Variants in ANKRD10 observed in about 807,000 individuals in gnomAD.
ANKRD10 encodes ankyrin repeat domain-containing protein 10.
In ANKRD10, 14 loss-of-function variants were observed where a neutral mutation model predicts 27.0. That is an observed-to-expected ratio of 0.52 (90% CI 0.34 to 0.81). The LOEUF is 0.81. ANKRD10 is among the 40% of genes least tolerant of loss of function. The pLI is 0.01. For missense variants in ANKRD10, 493 were observed against 544.0 expected, an observed-to-expected ratio of 0.91 and a Z score of 0.93; for synonymous variants, 250 against 224.5, an observed-to-expected ratio of 1.11 and a Z score of -1.01.
In ANKRD10 at chr13:110,879,644, C is replaced by T; in HGVS notation, c.1256G>A (p.Gly419Asp). The T allele has an allele frequency of 6.2e-7, 1 of 1,609,814 alleles. No homozygotes were observed. Among genetic ancestry groups the T allele is most frequent in the Non-Finnish European group, 8.5e-7 (1 of 1,177,378 alleles). Residue 419 changes from glycine to aspartate, a missense_variant, in exon 6 of 6, where the codon GGC becomes GAC. Coordinates refer to ENST00000267339, the MANE Select transcript of ANKRD10 (RefSeq NM_017664.4). ...AGAGCCAGGTCAGCGTCTCTAGGAG[C>T]CGTGGTGCAGGTGCATGGTGCCCAG... The part of the protein sequence containing the change: ...AVLGTMHLHH[G>D]S
intron 4 of ANKRD10, among the ~76,000 whole-genome samples, chr13:110,892,234 C>T (rs1377909461): frequency 2.7e-5 from 4 of 149,522 alleles, no homozygotes; most frequent in African/African-American, 9.8e-5. Flanking sequence ...GAGTTCAAGA[C>T]CAGCCTGGCC....
chr13:110,904,861 T>G (rs964753801), intron 3 of ANKRD10, among the ~76,000 whole-genome samples: 16 of 152,220 alleles, frequency 1.1e-4, no homozygotes, highest in Non-Finnish European at 1.0e-4. Flanking sequence ...TAATGGCGAA[T>G]CTTGCCAATA....
At chr13:110,887,725 G>C (rs1195172934) in intron 4 of ANKRD10, among the ~76,000 whole-genome samples, 2 of 152,194 alleles carry the variant, frequency 1.3e-5, no homozygotes, top group African/African-American at 4.8e-5. Flanking sequence ...TTGAGATCCT[G>C]ACCTAGATTA....
intron 4 of ANKRD10, among the ~76,000 whole-genome samples, chr13:110,892,123 A>C (rs2065090435): frequency 6.7e-6 from 1 of 149,598 alleles, no homozygotes; most frequent in African/African-American, 2.4e-5. Flanking sequence ...CCTACCTTAA[A>C]AACAAAAAAC....
chr13:110,904,887 A>T (rs991497455), intron 3 of ANKRD10: 2 of 152,218 alleles, frequency 1.3e-5, no homozygotes, highest in African/African-American at 4.8e-5. Flanking sequence ...AACAAAACAG[A>T]AGCTAAGCTA....
At chr13:110,909,639 A>G (rs925772698) in intron 2 of ANKRD10, among the ~76,000 whole-genome samples, 1 of 152,192 alleles carries the variant, frequency 6.6e-6, no homozygotes, top group Non-Finnish European at 1.5e-5. Flanking sequence ...ACTGCCTTAT[A>G]ACTTACCCCA....
intron 3 of ANKRD10, chr13:110,905,142 A>G (rs1436397304): frequency 6.6e-6 from 1 of 152,218 alleles, no homozygotes; most frequent in Admixed American, 6.5e-5. Context: ...AAAACAAAAA[A>G]GCTGATATTG....
chr13:110,890,644 C>T (rs2065050210), intron 4 of ANKRD10, among the ~76,000 whole-genome samples: 1 of 152,168 alleles, frequency 6.6e-6, no homozygotes, highest in South Asian at 2.1e-4. Context: ...ATCACAGAAA[C>T]ATCAGTCATG....
At position 110,880,118 on chromosome 13, in the gene ANKRD10, T is replaced by G. The variant is rs1347999220; in HGVS notation, c.788-6A>C. 1 of 1,607,634 alleles carries G rather than the reference T, an allele frequency of 6.2e-7. No individual in the cohort carries two copies. Among genetic ancestry groups the G allele is most frequent in the Non-Finnish European group, 8.5e-7 (1 of 1,175,520 alleles). ...GGAGCTACTGTTTTTCATATCTGCA[T>G]TAAGAAATACACCTGTCACCAAAAT... On this transcript the variant is annotated splice_polypyrimidine_tract_variant and splice_region_variant and intron_variant, in intron 5 of 5. Coordinates refer to ENST00000267339, the MANE Select transcript of ANKRD10 (RefSeq NM_017664.4).
rs565136007 is a variant in ANKRD10, at chr13:110,892,913, C to T, written c.691+115G>A. On this transcript the variant is annotated intron_variant, in intron 4 of 5. Transcript: ENST00000267339. ...CACCGTCACCGCACAATCCACCAGGCGCATTACCACCTGAAGTGAAGGTCT... is the reference window on the plus strand; with the variant it reads ...CACCGTCACCGCACAATCCACCAGGTGCATTACCACCTGAAGTGAAGGTCT... 68 of 1,478,378 alleles carry T rather than the reference C, an allele frequency of 4.6e-5. No individual in the cohort carries two copies. In the Admixed American group the frequency reaches 5.8e-4, roughly 13 times the overall value. 91.6% of individuals were successfully genotyped at this position (1,478,378 alleles called of 1,614,324 possible).
intron 3 of ANKRD10, among the ~76,000 whole-genome samples, chr13:110,899,954 A>C (rs1276751276): frequency 1.3e-5 from 2 of 152,168 alleles, no homozygotes; most frequent in African/African-American, 4.8e-5. Flanking sequence ...GCTCAACCCT[A>C]TAATCCTGGC....
At chr13:110,894,043 A>C in intron 3 of ANKRD10, 1 of 1,160,724 alleles carries the variant, frequency 8.6e-7, no homozygotes, top group East Asian at 2.3e-5. Flanking sequence ...ACTCAGATTC[A>C]AGTAGGAAGT....
intron 4 of ANKRD10, among the ~76,000 whole-genome samples, chr13:110,892,080 G>GT (rs1198484252): frequency 6.6e-6 from 1 of 151,010 alleles, no homozygotes; most frequent in African/African-American, 2.4e-5. Context: ...AACTTCAAGA[G>GT]TGACTGGCTG....
intron 1 of ANKRD10, 24 bp downstream of exon 1, chr13:110,914,701 G>A (rs935685336): frequency 1.3e-6 from 2 of 1,544,628 alleles, no homozygotes; most frequent in South Asian, 1.2e-5. Context: ...GGGGAAAATG[G>A]CGCCTTAAAG....
intron 2 of ANKRD10, among the ~76,000 whole-genome samples, chr13:110,907,725 A>G (rs1017912856): frequency 2.6e-5 from 4 of 152,218 alleles, no homozygotes; most frequent in African/African-American, 9.6e-5. Flanking sequence ...GATTTTTTAA[A>G]AAGCGAAAAC....
intron 1 of ANKRD10, 136 bp downstream of exon 1, chr13:110,914,589 C>T: frequency 7.6e-7 from 1 of 1,324,422 alleles, no homozygotes; most frequent in South Asian, 1.6e-5. Flanking sequence ...CTAGGCCCCT[C>T]GGGGCACAGG....
intron 5 of ANKRD10, among the ~76,000 whole-genome samples, chr13:110,882,984 T>C (rs1566446012): frequency 6.6e-6 from 1 of 152,236 alleles, no homozygotes; most frequent in Non-Finnish European, 1.5e-5. Flanking sequence ...GACAAATCAT[T>C]TTAGATATTC....
Position 110,892,436 on chromosome 13 carries a change from A to T in ANKRD10, c.691+592T>A, listed in dbSNP as rs200073718. Among the ~76,000 whole-genome samples, 147 of 144,554 alleles carry T rather than the reference A, an allele frequency of 1.0e-3. 2 individuals are homozygous for T. The highest frequency in any genetic ancestry group is 1.7e-3 in the Non-Finnish European group (113 of 65,364). The allele number at this position is 144,554 out of a possible 152,430, so 94.8% of individuals were successfully genotyped here. On this transcript the variant is annotated intron_variant, in intron 4 of 5. Coordinates refer to ENST00000267339, the MANE Select transcript of ANKRD10 (RefSeq NM_017664.4). ...CAGAGCAAAAAAAAAAAAAAAAAAAATGGTGGGAGAATACTTACAACGAAA... is the reference window on the plus strand; with the variant it reads ...CAGAGCAAAAAAAAAAAAAAAAAAATTGGTGGGAGAATACTTACAACGAAA...
At chr13:110,895,186 T>G (rs1392923087) in intron 3 of ANKRD10, 1 of 152,172 alleles carries the variant, frequency 6.6e-6, no homozygotes, top group African/African-American at 2.4e-5. Flanking sequence ...CACTTAGTAT[T>G]AGGACAAATA....
Sources: gnomAD v4.1 joint callset for allele counts (sites outside exome capture counted in the v4.1 genomes callset) on GRCh38, gnomAD v4.1.1 for gene constraint, MANE v1.5 for transcripts, NCBI Gene and HGNC (gene_info 2026-07-23, HGNC 2026-07-21) for gene names.